The following RCAN3 variants were observed in gnomAD, a reference collection of about 807,000 sequenced individuals.
RCAN3 encodes calcipressin-3.
A neutral mutation model predicts 21.9 loss-of-function variants in RCAN3; 19 were observed. The observed-to-expected ratio is 0.87, with a 90% CI of 0.61 to 1.27. The LOEUF is 1.27. Among genes scored for constraint, RCAN3 ranks in the 50% most tolerant of loss-of-function variants. The pLI is 0.00. For missense variants in RCAN3, 240 were observed against 300.1 expected, an observed-to-expected ratio of 0.80 and a Z score of 1.48; for synonymous variants, 114 against 112.3, an observed-to-expected ratio of 1.01 and a Z score of -0.09.
At chr1:24,514,713 A>T (rs1648155607) in intron 2 of RCAN3, 146 bp downstream of exon 2, 2 of 754,196 alleles carry the variant, frequency 2.7e-6, no homozygotes, top group Non-Finnish European at 2.1e-6. Context: ...TCACACCTGT[A>T]ATCCCAGCAC....
chr1:24,532,967 A>G (rs1225970870), intron 3 of RCAN3, 116 bp from the exon 4 acceptor site: 7 of 703,852 alleles, frequency 9.9e-6, no homozygotes, highest in African/African-American at 5.8e-5. Flanking sequence ...AAAAAAAAAA[A>G]AAAAAAAAGA....
In RCAN3 at chr1:24,514,311, C is replaced by T; in HGVS notation, c.-59-3C>T. On this transcript the variant is annotated splice_polypyrimidine_tract_variant and splice_region_variant and intron_variant, in intron 1 of 4. Transcript: ENST00000374395. ...ACCTCTGCATTTTCTTTTTTTTTAA[C>T]AGTGGGTGCCTGATAGACATCCTAG... 2 of 1,353,042 alleles carry T rather than the reference C, an allele frequency of 1.5e-6. No individual in the cohort carries two copies. The highest frequency in any genetic ancestry group is 1.5e-5 in the African/African-American group (1 of 67,296). The allele number at this position is 1,353,042 out of a possible 1,614,324, so 83.8% of individuals were successfully genotyped here.
At chr1:24,531,979 G>T (rs776044241) in intron 3 of RCAN3, among the ~76,000 whole-genome samples, 2 of 151,804 alleles carry the variant, frequency 1.3e-5, no homozygotes, top group African/African-American at 4.8e-5. Context: ...GATTACTCGT[G>T]TATTAAATGC....
At chr1:24,534,848 A>G (rs988745677) in intron 4 of RCAN3, among the ~76,000 whole-genome samples, 4 of 152,244 alleles carry the variant, frequency 2.6e-5, no homozygotes, top group African/African-American at 4.8e-5. Context: ...TATTCATAAA[A>G]CAATAATTAG....
At chr1:24,505,222 TC>T (rs1647330678) in intron 1 of RCAN3, among the ~76,000 whole-genome samples, 5 of 115,518 alleles carry the variant, frequency 4.3e-5, no homozygotes, top group African/African-American at 1.2e-4. Context: ...TTTTTTTTTT[TC>T]TCTTTTTTCT....
At chr1:24,503,230 A>AC (rs1647219539) in intron 1 of RCAN3, 80 bp downstream of exon 1, 1 of 145,892 alleles carries the variant, frequency 6.9e-6, no homozygotes, top group Non-Finnish European at 1.5e-5. Context: ...AAAAAAAAAA[A>AC]AAAAAAAGCC....
At position 24,535,478 on chromosome 1, in the gene RCAN3, C is replaced by A; in HGVS notation, c.*201C>A. On this transcript the variant is annotated 3_prime_UTR_variant, in exon 5 of 5. Transcript: ENST00000374395. Reference sequence around the variant, plus strand: ...CCTGTCCCAGATTTTAAGTGATATTCCAAAAGGGACTTTACATTAAAGGAG... The same window carrying A: ...CCTGTCCCAGATTTTAAGTGATATTACAAAAGGGACTTTACATTAAAGGAG... 2.2e-6 allele frequency: 1 copy of A among 448,166 alleles called. No individual in the cohort carries two copies. The highest frequency in any genetic ancestry group is 3.7e-6 in the Non-Finnish European group (1 of 270,002). 27.8% of individuals were successfully genotyped at this position (448,166 alleles called of 1,614,324 possible). A position where few individuals can be genotyped will look rare whatever the true frequency, so the allele number is the denominator to read the frequency against.
At chr1:24,535,006 G>A (rs1238671394) in intron 4 of RCAN3, 87 bp from the exon 5 acceptor site, 6 of 1,229,940 alleles carry the variant, frequency 4.9e-6, no homozygotes, top group Admixed American at 5.6e-5. Context: ...ATTAAAATAG[G>A]AGTAGAACAA....
At chr1:24,516,145 G>GA (rs966153174) in intron 2 of RCAN3, among the ~76,000 whole-genome samples, 26 of 146,106 alleles carry the variant, frequency 1.8e-4, no homozygotes, top group Non-Finnish European at 2.7e-4. Context: ...TCAGTCTCAA[G>GA]AAAAAAAAAA....
intron 2 of RCAN3, among the ~76,000 whole-genome samples, chr1:24,529,264 C>T (rs903640008): frequency 6.6e-6 from 1 of 151,172 alleles, no homozygotes; most frequent in South Asian, 2.1e-4. Flanking sequence ...TAAAATTAGC[C>T]AGGTGTGGCC....
chr1:24,526,792 A>T (rs1013964611), intron 2 of RCAN3, among the ~76,000 whole-genome samples: 2 of 152,224 alleles, frequency 1.3e-5, no homozygotes, highest in Non-Finnish European at 2.9e-5. Flanking sequence ...TTTAAAATAC[A>T]TTTAAAATAA....
chr1:24,523,348 C>T (rs1648974196), intron 2 of RCAN3, among the ~76,000 whole-genome samples: 1 of 151,700 alleles, frequency 6.6e-6, no homozygotes, highest in African/African-American at 2.4e-5. Context: ...TTTAAATTAT[C>T]TGTATTTGGA....
intron 2 of RCAN3, among the ~76,000 whole-genome samples, chr1:24,522,478 T>A (rs977685040): frequency 6.6e-6 from 1 of 152,230 alleles, no homozygotes; most frequent in Non-Finnish European, 1.5e-5. Flanking sequence ...GTTCTGACAC[T>A]GAAGCCAACA....
chr1:24,515,005 A>G (rs1194117062), intron 2 of RCAN3, among the ~76,000 whole-genome samples: 2 of 151,930 alleles, frequency 1.3e-5, no homozygotes, highest in African/African-American at 2.4e-5. Context: ...CCACTTTTAG[A>G]TGTTGCCGCA....
At chr1:24,521,906 G>T (rs976684166) in intron 2 of RCAN3, among the ~76,000 whole-genome samples, 3 of 109,710 alleles carry the variant, frequency 2.7e-5, no homozygotes, top group Admixed American at 8.1e-5. Context: ...TGGTTGCTGG[G>T]GGGGGTGGGG....
chr1:24,505,927 A>C (rs1647400897), intron 1 of RCAN3, among the ~76,000 whole-genome samples: 1 of 152,330 alleles, frequency 6.6e-6, no homozygotes, highest in Admixed American at 6.5e-5. Flanking sequence ...CATGTGCTTG[A>C]CATTTTGCCT....
intron 2 of RCAN3, among the ~76,000 whole-genome samples, chr1:24,528,414 C>T (rs1283000160): frequency 1.3e-5 from 2 of 152,108 alleles, no homozygotes. Flanking sequence ...TATTTACATA[C>T]AGGCACACAC....
chr1:24,523,628 A>ACG (rs1274543397), intron 2 of RCAN3, among the ~76,000 whole-genome samples: 1 of 138,692 alleles, frequency 7.2e-6, no homozygotes. Flanking sequence ...ACACACACAC[A>ACG]CACACACACA....
At chr1:24,526,867 C>T (rs889516479) in intron 2 of RCAN3, among the ~76,000 whole-genome samples, 9 of 152,054 alleles carry the variant, frequency 5.9e-5, no homozygotes, top group East Asian at 1.9e-4. Flanking sequence ...TCTTTAAAAG[C>T]GACAAAGCTA....
Sources: gnomAD v4.1 joint callset for allele counts (sites outside exome capture counted in the v4.1 genomes callset) on GRCh38, gnomAD v4.1.1 for gene constraint, MANE v1.5 for transcripts, NCBI Gene and HGNC (gene_info 2026-07-23, HGNC 2026-07-21) for gene names.